Variants in PRKN observed in about 807,000 individuals in gnomAD.
PRKN encodes E3 ubiquitin-protein ligase parkin.
PRKN carries 56 observed loss-of-function variants against 59.5 expected under a neutral mutation model. The ratio of observed to expected loss-of-function variants is 0.94; its 90% CI spans 0.76 to 1.18. The LOEUF is 1.18. PRKN is among the 50% of genes most tolerant of loss of function. The probability of loss-of-function intolerance (pLI) is 0.00; values close to 1 mark genes in which losing one functional copy is unlikely to be tolerated. For missense variants in PRKN, 657 were observed against 596.4 expected (o/e 1.10, Z -1.06); for synonymous variants, 250 against 222.1 (o/e 1.13, Z -1.12).
intron 4 of PRKN, among the ~76,000 whole-genome samples, chr6:162,114,669 C>A (rs1780589894): frequency 6.7e-6 from 1 of 149,052 alleles, no homozygotes; most frequent in African/African-American, 2.5e-5. Flanking sequence ...ACAACCCTAT[C>A]AAAAAGTGGG....
intron 9 of PRKN, among the ~76,000 whole-genome samples, chr6:161,509,110 C>T (rs987988547): frequency 6.6e-6 from 1 of 152,138 alleles, no homozygotes; most frequent in Non-Finnish European, 1.5e-5. Flanking sequence ...TCCCAAAGTG[C>T]TGGGATTACA....
At chr6:162,376,008 A>G (rs1786052174) in intron 2 of PRKN, among the ~76,000 whole-genome samples, 3 of 152,076 alleles carry the variant, frequency 2.0e-5, no homozygotes, top group South Asian at 4.1e-4. Flanking sequence ...CTTCCATGCT[A>G]GAGGATTGAG....
intron 6 of PRKN, among the ~76,000 whole-genome samples, chr6:161,957,200 C>T (rs2128247443): frequency 6.6e-6 from 1 of 152,274 alleles, no homozygotes; most frequent in African/African-American, 2.4e-5. Context: ...ATCTGAATGA[C>T]ATTTGACAGT....
At chr6:162,501,514 A>ATTT (rs10596593) in intron 1 of PRKN, among the ~76,000 whole-genome samples, 1 of 141,798 alleles carries the variant, frequency 7.1e-6, no homozygotes, top group Admixed American at 7.0e-5. Context: ...CGCCTGGTTA[A>ATTT]TTTTTTTTTT....
At chr6:161,604,828 A>G (rs1268312797) in intron 7 of PRKN, among the ~76,000 whole-genome samples, 1 of 152,156 alleles carries the variant, frequency 6.6e-6, no homozygotes, top group Non-Finnish European at 1.5e-5. Context: ...CCAGCTACGC[A>G]GGAGGCTGAG....
intron 2 of PRKN, among the ~76,000 whole-genome samples, chr6:162,282,016 T>A (rs1021035516): frequency 1.3e-5 from 2 of 152,104 alleles, no homozygotes; most frequent in Non-Finnish European, 2.9e-5. Flanking sequence ...CCTATGAGAA[T>A]CTACTGCCAC....
chr6:162,227,042 C>G (rs180936636), intron 3 of PRKN, among the ~76,000 whole-genome samples: 1 of 152,204 alleles, frequency 6.6e-6, no homozygotes, highest in Non-Finnish European at 1.5e-5. Context: ...AATGCACAGT[C>G]TTCTTGTCAT....
intron 5 of PRKN, among the ~76,000 whole-genome samples, chr6:161,993,067 G>A (rs529095100): frequency 6.6e-6 from 1 of 151,806 alleles, no homozygotes; most frequent in East Asian, 1.9e-4. Context: ...AAAGGACAAA[G>A]GAAACCCAAA....
At chr6:161,411,769 C>T (rs1456600454) in intron 9 of PRKN, among the ~76,000 whole-genome samples, 8 of 144,070 alleles carry the variant, frequency 5.6e-5, no homozygotes, top group Admixed American at 4.1e-4. Flanking sequence ...CATTCCTTCA[C>T]TCACTCATTC....
At position 161,897,836 on chromosome 6, in the gene PRKN, G is replaced by A. The variant is rs187016778; in HGVS notation, c.734+75466C>T. ...TACAAAAAGTTCCGGGCGTAGTGGC[G>A]GGCGCCTGTAGTCCCAGCTACTCGG... is the stretch of plus-strand genomic sequence containing the variant. On this transcript the variant is annotated intron_variant, in intron 6 of 11. Coordinates refer to ENST00000366898, the MANE Select transcript of PRKN (RefSeq NM_004562.3). Among the ~76,000 whole-genome samples the A allele has an allele frequency of 6.2e-3, 939 of 150,546 alleles. 8 individuals carry two copies. Among genetic ancestry groups the A allele is most frequent in the Admixed American group, 0.012 (185 of 15,138 alleles).
rs1047740959 is a variant in PRKN at position 161,456,739 on chromosome 6, T to C, written c.1084-69862A>G. ...TTGCGAATGCTGACCTGGGTCTGCT[T>C]TGTATGGGTGGTCAGAGGGTGAAAG... On this transcript the variant is annotated intron_variant, in intron 9 of 11. Coordinates refer to ENST00000366898, the MANE Select transcript of PRKN (RefSeq NM_004562.3). This position sits in a 1 kb window ranked among gnomAD's most constrained non-coding sequence, Gnocchi z 4.8. 4.6e-5 allele frequency among the ~76,000 whole-genome samples: 7 copies of C among 152,136 alleles called. No individual in the cohort carries two copies. The highest frequency in any genetic ancestry group is 8.8e-5 in the Non-Finnish European group (6 of 68,018).
rs2115134958 is a variant in PRKN, at chr6:161,454,184, C to G, written c.1084-67307G>C. Among the ~76,000 whole-genome samples, 1 of 152,272 alleles carries G rather than the reference C, an allele frequency of 6.6e-6. No homozygotes were observed. The highest frequency in any genetic ancestry group is 1.9e-4 in the East Asian group (1 of 5,174). ...GTTGCCAGCAGCATTTTGGCGATGTCCCCTTGGGTCACAGAACGGCAGCAT... is the reference window on the plus strand; with the variant it reads ...GTTGCCAGCAGCATTTTGGCGATGTGCCCTTGGGTCACAGAACGGCAGCAT... On this transcript the variant is annotated intron_variant, in intron 9 of 11. Coordinates refer to ENST00000366898, the MANE Select transcript of PRKN (RefSeq NM_004562.3). The surrounding 1 kb of genome is among the most constrained non-coding windows in gnomAD (Gnocchi z 4.6).
At chr6:162,432,524 AAAAC>A (rs71671690) in intron 2 of PRKN, among the ~76,000 whole-genome samples, 17,931 of 151,776 alleles carry the variant, frequency 0.12, 1,425 homozygotes, top group African/African-American at 0.23. Context: ...GACACCGTCT[AAAAC>A]AAACAAACAA....
chr6:162,505,266 T>C (rs973131284), intron 1 of PRKN, among the ~76,000 whole-genome samples: 5 of 109,354 alleles, frequency 4.6e-5, no homozygotes, highest in Non-Finnish European at 2.0e-5. Flanking sequence ...TATTTGTAAT[T>C]GCAAAAAATT....
intron 9 of PRKN, among the ~76,000 whole-genome samples, chr6:161,510,005 T>C (rs529802651): frequency 6.6e-6 from 1 of 152,168 alleles, no homozygotes; most frequent in Non-Finnish European, 1.5e-5. Flanking sequence ...CAAGCAAGGT[T>C]TTGCCCATGG....
chr6:162,614,686 T>C (rs1220231858), intron 1 of PRKN, among the ~76,000 whole-genome samples: 2 of 152,200 alleles, frequency 1.3e-5, no homozygotes, highest in Non-Finnish European at 2.9e-5. Context: ...TATCTGAGCT[T>C]TGCCTATGAA....
chr6:162,557,262 C>T (rs985171841), intron 1 of PRKN, among the ~76,000 whole-genome samples: 2 of 152,172 alleles, frequency 1.3e-5, no homozygotes, highest in African/African-American at 4.8e-5. Context: ...TGTTATAATA[C>T]ACCACCCCAC....
At chr6:161,995,105 G>A (rs1205651820) in intron 5 of PRKN, among the ~76,000 whole-genome samples, 1 of 152,132 alleles carries the variant, frequency 6.6e-6, no homozygotes, top group Non-Finnish European at 1.5e-5. Context: ...TAGAGCAATG[G>A]AACAAAATAG....
chr6:162,447,250 A>T (rs2128169284), intron 1 of PRKN, among the ~76,000 whole-genome samples: 1 of 152,212 alleles, frequency 6.6e-6, no homozygotes, highest in Non-Finnish European at 1.5e-5. Flanking sequence ...GGGAGATTAG[A>T]TAGGATGTGG....
Sources: allele counts gnomAD v4.1 joint callset (sites outside exome capture counted in the v4.1 genomes callset), GRCh38; gene constraint gnomAD v4.1.1; non-coding constraint Gnocchi (gnomAD v3.1); transcripts MANE v1.5; gene names NCBI Gene and HGNC (gene_info 2026-07-23, HGNC 2026-07-21).